The following SSBP3 variants were observed in gnomAD, a reference collection of about 807,000 sequenced individuals.
The protein encoded by SSBP3 is single-stranded DNA-binding protein 3.
A neutral mutation model predicts 69.6 loss-of-function variants in SSBP3; 5 were observed. That is an observed-to-expected ratio of 0.07 (90% CI 0.04 to 0.15). The LOEUF (loss-of-function observed/expected upper bound fraction) is 0.15, where lower values mean the gene tolerates loss of function less well. Ranked by LOEUF, SSBP3 falls within the 10% of genes least tolerant of loss-of-function variation. The pLI is 1.00. For synonymous variants in SSBP3, 196 were observed against 193.4 expected, an observed-to-expected ratio of 1.01 and a Z score of -0.11; for missense variants, 312 against 534.0, an observed-to-expected ratio of 0.58 and a Z score of 4.10.
At chr1:54,345,823 C>T (rs943972890) in intron 4 of SSBP3, among the ~76,000 whole-genome samples, 4 of 151,598 alleles carry the variant, frequency 2.6e-5, no homozygotes, top group South Asian at 2.1e-4. Flanking sequence ...CTGGGCAACA[C>T]GGTGAAACCC....
chr1:54,369,798 T>TCAGAACAGAATCAAATACTCA (rs1553146827), intron 4 of SSBP3, among the ~76,000 whole-genome samples: 1 of 129,536 alleles, frequency 7.7e-6, no homozygotes, highest in Non-Finnish European at 1.8e-5. Flanking sequence ...TCTGAGAACG[T>TCAGAACAGAATCAAATACTCA]GACCCTGTCC....
chr1:54,342,956 CA>C (rs1434277632), intron 4 of SSBP3, among the ~76,000 whole-genome samples: 2 of 152,178 alleles, frequency 1.3e-5, no homozygotes, highest in African/African-American at 4.8e-5. Context: ...TCCTAAAATA[CA>C]GCGTATGGAT....
chr1:54,392,966 C>G (rs1014349121), intron 4 of SSBP3, among the ~76,000 whole-genome samples: 1 of 152,176 alleles, frequency 6.6e-6, no homozygotes, highest in Non-Finnish European at 1.5e-5. Flanking sequence ...CTGGTGGAGG[C>G]AGCCACATTC....
chr1:54,281,979 C>T (rs189328166), intron 4 of SSBP3, among the ~76,000 whole-genome samples: 28 of 151,916 alleles, frequency 1.8e-4, no homozygotes, highest in African/African-American at 6.5e-4. Flanking sequence ...GCCTGTAGTT[C>T]CACTTACTCG....
chr1:54,257,582 C>T (rs1217457277), intron 6 of SSBP3, among the ~76,000 whole-genome samples: 1 of 152,078 alleles, frequency 6.6e-6, no homozygotes, highest in African/African-American at 2.4e-5. Context: ...GACACACGAG[C>T]ACGCACACAG....
At chr1:54,384,243 C>A (rs918711618) in intron 4 of SSBP3, among the ~76,000 whole-genome samples, 14 of 152,160 alleles carry the variant, frequency 9.2e-5, no homozygotes, top group African/African-American at 3.4e-4. Flanking sequence ...GAGGACACTT[C>A]ACATCTGAAG....
At chr1:54,265,827 C>T (rs1645092428) in intron 5 of SSBP3, among the ~76,000 whole-genome samples, 1 of 152,252 alleles carries the variant, frequency 6.6e-6, no homozygotes, top group African/African-American at 2.4e-5. Context: ...GACCTCCCTT[C>T]CTCCTAGCAG....
upstream of SSBP3, among the ~76,000 whole-genome samples, chr1:54,408,048 A>G (rs1426592827): frequency 6.6e-6 from 1 of 152,186 alleles, no homozygotes; most frequent in Non-Finnish European, 1.5e-5. Context: ...TTTTTGGAAT[A>G]ATGTTCTACT....
chr1:54,402,471 C>A (rs183257194), intron 3 of SSBP3, among the ~76,000 whole-genome samples: 3 of 152,292 alleles, frequency 2.0e-5, no homozygotes, highest in African/African-American at 4.8e-5. Context: ...GCAATAGGAA[C>A]TTTACAGGCT....
At chr1:54,255,442 C>A (rs1303347342) in intron 7 of SSBP3, among the ~76,000 whole-genome samples, 1 of 152,096 alleles carries the variant, frequency 6.6e-6, no homozygotes, top group Non-Finnish European at 1.5e-5. Context: ...GCAAAGCAGG[C>A]CCAGCGGTGA....
chr1:54,369,809 C>T (rs1647097668), intron 4 of SSBP3, among the ~76,000 whole-genome samples: 1 of 134,064 alleles, frequency 7.5e-6, no homozygotes. Context: ...GACCCTGTCC[C>T]TTTGGTTGAG....
At position 54,351,851 on chromosome 1, in the gene SSBP3, C is replaced by T. The variant is rs552618702; in HGVS notation, c.276+50010G>A. ...GAAGGACTCCTGACTCGATCTGGCC[C>T]AGCTCAGCACGCTGCCTATCTATCC... On this transcript the variant is annotated intron_variant, in intron 4 of 17. Coordinates refer to ENST00000610401, the Ensembl canonical transcript of SSBP3. Among the ~76,000 whole-genome samples, 8 of 152,320 alleles carry T rather than the reference C, an allele frequency of 5.3e-5. No individual in the cohort carries two copies. The South Asian group carries it at 1.7e-3, about 32-fold the overall frequency.
chr1:54,365,579 C>G (rs1647017650), intron 4 of SSBP3, among the ~76,000 whole-genome samples: 1 of 152,146 alleles, frequency 6.6e-6, no homozygotes, highest in African/African-American at 2.4e-5. Flanking sequence ...GGCACATGCC[C>G]TCCCACTCAA....
intron 4 of SSBP3, among the ~76,000 whole-genome samples, chr1:54,357,222 G>A (rs1188553182): frequency 2.0e-5 from 3 of 152,176 alleles, no homozygotes; most frequent in Non-Finnish European, 4.4e-5. Flanking sequence ...GGCAACCTGG[G>A]ACGCTAATTA....
At chr1:54,348,988 G>C (rs369102270) in intron 4 of SSBP3, among the ~76,000 whole-genome samples, 3 of 152,344 alleles carry the variant, frequency 2.0e-5, no homozygotes, top group South Asian at 2.1e-4. Context: ...TGACCAGCAA[G>C]CTGCTGCTCT....
intron 4 of SSBP3, among the ~76,000 whole-genome samples, chr1:54,314,096 G>C (rs1646054221): frequency 6.6e-6 from 1 of 152,194 alleles, no homozygotes. Flanking sequence ...TGAGGTATCA[G>C]AGTGGCTGAG....
intron 11 of SSBP3, among the ~76,000 whole-genome samples, chr1:54,241,796 C>T (rs1159331135): frequency 6.6e-6 from 1 of 152,240 alleles, no homozygotes; most frequent in Non-Finnish European, 1.5e-5. Context: ...CAGGAAACAG[C>T]TTTACCCCAC....
rs1307400923 is a variant in SSBP3 at position 54,327,283 on chromosome 1, GAAC to G, written c.277-45759_277-45757del. On this transcript the variant is annotated intron_variant, in intron 4 of 17. Transcript: ENST00000610401. ...AAGGAAGGAAGGAAAACAACAACAAGAACAACAACAAAAAACCCCCCAAAAAAA... is the reference window on the plus strand; with the variant it reads ...AAGGAAGGAAGGAAAACAACAACAAGAACAACAAAAAACCCCCCAAAAAAA... Among the ~76,000 whole-genome samples, 46 of 141,328 alleles carry G rather than the reference GAAC, an allele frequency of 3.3e-4. 1 individual carries two copies. In the Middle Eastern group the frequency reaches 0.015, roughly 45 times the overall value. The allele number at this position is 141,328 out of a possible 152,430, so 92.7% of individuals were successfully genotyped here. A position where few individuals can be genotyped will look rare whatever the true frequency, so the allele number is the denominator to read the frequency against.
intron 4 of SSBP3, among the ~76,000 whole-genome samples, chr1:54,383,418 G>C (rs1171305987): frequency 1.3e-5 from 2 of 151,964 alleles, no homozygotes; most frequent in Non-Finnish European, 2.9e-5. Flanking sequence ...AAATAAAGAA[G>C]TCCCTGTACT....
Sources: allele counts gnomAD v4.1 joint callset (sites outside exome capture counted in the v4.1 genomes callset), GRCh38; gene constraint gnomAD v4.1.1; transcripts MANE v1.5; gene names NCBI Gene and HGNC (gene_info 2026-07-23, HGNC 2026-07-21).